LRP1B: variants seen among roughly 807,000 people sequenced by gnomAD.
LRP1B encodes low-density lipoprotein receptor-related protein 1B.
In LRP1B, 217 loss-of-function variants were observed where a neutral mutation model predicts 556.6. The observed-to-expected ratio is 0.39, with a 90% CI of 0.35 to 0.44. The LOEUF (loss-of-function observed/expected upper bound fraction) is 0.44, where lower values mean the gene tolerates loss of function less well. LRP1B is among the 20% of genes least tolerant of loss of function. LRP1B has a pLI of 1.00. For missense variants in LRP1B, 5,053 were observed against 5,620.8 expected (o/e 0.90, Z 3.23); for synonymous variants, 2,047 against 1,865.8 (o/e 1.10, Z -2.50).
chr2:141,188,650 AT>A, intron 6 of LRP1B, 67 bp from the exon 7 acceptor site: 1 of 1,405,106 alleles, frequency 7.1e-7, no homozygotes, highest in South Asian at 1.2e-5. Flanking sequence ...CAAAAATAAC[AT>A]AAGTGTTTCC....
At position 140,343,979 on chromosome 2, in the gene LRP1B, G is replaced by A. The variant is rs1418961481; in HGVS notation, c.11892+6818C>T. On this transcript the variant is annotated intron_variant, in intron 77 of 90. Coordinates refer to ENST00000389484, the MANE Select transcript of LRP1B (RefSeq NM_018557.3). Reference sequence around the variant, plus strand: ...AGGGAATTAGATGACCATATGGAAAGAGTTGGAGGTCATAGACACGTTCAT... The same window carrying A: ...AGGGAATTAGATGACCATATGGAAAAAGTTGGAGGTCATAGACACGTTCAT... Among the ~76,000 whole-genome samples, 12 of 151,632 alleles carry A rather than the reference G, an allele frequency of 7.9e-5. No individual in the cohort carries two copies. In the Admixed American group the frequency reaches 7.9e-4, roughly 10 times the overall value.
chr2:141,443,701 C>T (rs542839691), intron 3 of LRP1B, among the ~76,000 whole-genome samples: 7 of 152,040 alleles, frequency 4.6e-5, no homozygotes, highest in African/African-American at 1.7e-4. Context: ...TTCCCCATTG[C>T]TTGTTTTTGT....
chr2:140,833,413 C>T (rs894970897), intron 31 of LRP1B, among the ~76,000 whole-genome samples: 2 of 152,190 alleles, frequency 1.3e-5, no homozygotes, highest in African/African-American at 2.4e-5. Flanking sequence ...TGACCACCAT[C>T]ACTCACTGAT....
chr2:141,584,273 T>G (rs557237940), intron 2 of LRP1B, among the ~76,000 whole-genome samples: 30 of 152,100 alleles, frequency 2.0e-4, no homozygotes, highest in Non-Finnish European at 3.5e-4. Context: ...GAAGATAATT[T>G]TTTCAACTAC....
At chr2:140,886,719 TTAAC>T (rs1396225515) in intron 23 of LRP1B, among the ~76,000 whole-genome samples, 4 of 152,222 alleles carry the variant, frequency 2.6e-5, no homozygotes, top group East Asian at 1.9e-4. Context: ...TGCTACACTC[TTAAC>T]TAACTATCCC....
At chr2:140,262,820 C>T (rs1682009976) in intron 86 of LRP1B, among the ~76,000 whole-genome samples, 2 of 152,102 alleles carry the variant, frequency 1.3e-5, no homozygotes, top group Non-Finnish European at 2.9e-5. Flanking sequence ...TCAATATCTC[C>T]CTAGTCCTCA....
intron 3 of LRP1B, among the ~76,000 whole-genome samples, chr2:141,442,585 C>T (rs1681022249): frequency 6.6e-6 from 1 of 152,106 alleles, no homozygotes; most frequent in Admixed American, 6.6e-5. Context: ...CCTCAGCCCC[C>T]AACCTGCAAA....
chr2:141,884,807 A>T (rs1303911550), intron 1 of LRP1B, among the ~76,000 whole-genome samples: 1 of 152,226 alleles, frequency 6.6e-6, no homozygotes, highest in Non-Finnish European at 1.5e-5. Context: ...CTCATGCTGC[A>T]TAAAGTATCT....
intron 66 of LRP1B, among the ~76,000 whole-genome samples, chr2:140,420,708 G>A (rs964843683): frequency 6.6e-6 from 1 of 152,190 alleles, no homozygotes; most frequent in Admixed American, 6.5e-5. Context: ...TCCAGCAACA[G>A]GGAGAAATCT....
intron 2 of LRP1B, among the ~76,000 whole-genome samples, chr2:141,687,377 T>C (rs1305945933): frequency 6.6e-6 from 1 of 152,014 alleles, no homozygotes; most frequent in African/African-American, 2.4e-5. Context: ...AAGCCAAATA[T>C]TCTGACTTTA....
chr2:140,729,291 AT>A lies in LRP1B; in HGVS notation c.5759-12476del, dbSNP rs373393605. ...ATTTGGATGCACAGAGGCAACCCAT[AT>A]TTTTAGAAAGGTAAAGTTAAGTTTA... On this transcript the variant is annotated intron_variant, in intron 35 of 90. Transcript: ENST00000389484. 9.8e-4 allele frequency among the ~76,000 whole-genome samples: 149 copies of A among 152,230 alleles called. 1 individual carries two copies. The South Asian group carries it at 0.027, about 27-fold the overall frequency.
chr2:141,890,650 G>A (rs1699263609), intron 1 of LRP1B, among the ~76,000 whole-genome samples: 1 of 151,654 alleles, frequency 6.6e-6, no homozygotes, highest in South Asian at 2.1e-4. Flanking sequence ...TTATTTATGT[G>A]GTCCCGACTA....
chr2:141,239,746 G>T (rs1481989793), intron 5 of LRP1B, among the ~76,000 whole-genome samples: 1 of 151,900 alleles, frequency 6.6e-6, no homozygotes, highest in Non-Finnish European at 1.5e-5. Flanking sequence ...ATTTTCTCAA[G>T]GAAATATGAA....
intron 86 of LRP1B, among the ~76,000 whole-genome samples, chr2:140,264,570 C>T (rs1682102012): frequency 6.6e-6 from 1 of 152,034 alleles, no homozygotes; most frequent in African/African-American, 2.4e-5. Flanking sequence ...AACTCAATCA[C>T]CTCTTTAAAG....
chr2:140,319,938 G>C (rs1440653128), intron 82 of LRP1B, among the ~76,000 whole-genome samples: 1 of 152,060 alleles, frequency 6.6e-6, no homozygotes, highest in Non-Finnish European at 1.5e-5. Flanking sequence ...TTAGCTCTCT[G>C]TTACAAATTT....
At chr2:141,799,039 G>A (rs768499531) in intron 2 of LRP1B, among the ~76,000 whole-genome samples, 9 of 151,932 alleles carry the variant, frequency 5.9e-5, no homozygotes, top group Non-Finnish European at 1.3e-4. Context: ...CAACCCTACC[G>A]AGACCTTGAT....
At chr2:141,568,411 T>G (rs376822966) in intron 2 of LRP1B, among the ~76,000 whole-genome samples, 3 of 151,148 alleles carry the variant, frequency 2.0e-5, no homozygotes, top group East Asian at 1.9e-4. Flanking sequence ...TAAAATGAGT[T>G]GAAGTATTTC....
At chr2:140,814,552 T>C (rs1175437672) in intron 31 of LRP1B, among the ~76,000 whole-genome samples, 1 of 152,224 alleles carries the variant, frequency 6.6e-6, no homozygotes, top group Non-Finnish European at 1.5e-5. Context: ...AATGACTCAT[T>C]TGGGATACTA....
At chr2:141,980,615 A>C (rs1230477855) in intron 1 of LRP1B, among the ~76,000 whole-genome samples, 1 of 152,152 alleles carries the variant, frequency 6.6e-6, no homozygotes, top group Admixed American at 6.6e-5. Context: ...ACCAAGGATC[A>C]CAAACCAGAT....
Sources: allele counts gnomAD v4.1 joint callset (sites outside exome capture counted in the v4.1 genomes callset), GRCh38; gene constraint gnomAD v4.1.1; transcripts MANE v1.5; gene names NCBI Gene and HGNC (gene_info 2026-07-23, HGNC 2026-07-21).